Variants in CCR5AS observed in about 807,000 individuals in gnomAD.
CCR5AS encodes the protein CCR5 antisense RNA.
intron 1 of CCR5AS, among the ~76,000 whole-genome samples, chr3:46,399,023 G>A (rs1701985277): frequency 6.6e-6 from 1 of 152,120 alleles, no homozygotes; most frequent in Admixed American, 6.5e-5. Flanking sequence ...AGATATTAGA[G>A]GAGGGAAGAG....
intron 2 of CCR5AS, among the ~76,000 whole-genome samples, chr3:46,389,662 C>T (rs2106769283): frequency 6.6e-6 from 1 of 152,216 alleles, no homozygotes; most frequent in Non-Finnish European, 1.5e-5. Context: ...TCTCCAGGTC[C>T]TTTTTGAGAG....
At chr3:46,399,349 C>G (rs1243526642) in intron 1 of CCR5AS, among the ~76,000 whole-genome samples, 2 of 152,088 alleles carry the variant, frequency 1.3e-5, no homozygotes, top group Non-Finnish European at 2.9e-5. Context: ...CCAGGGAGAC[C>G]AATCTCAGTG....
intron 2 of CCR5AS, among the ~76,000 whole-genome samples, chr3:46,377,398 G>A (rs1260864861): frequency 6.6e-6 from 1 of 152,158 alleles, no homozygotes; most frequent in Non-Finnish European, 1.5e-5. Flanking sequence ...GCATGCCATG[G>A]ATAAAGTCAA....
At chr3:46,404,738 T>C (rs113851985) in intron 1 of CCR5AS, among the ~76,000 whole-genome samples, 2,076 of 152,274 alleles carry the variant, frequency 0.014, 53 homozygotes, top group African/African-American at 0.047. Context: ...CCATAGCACT[T>C]CTCTCCTACT....
chr3:46,381,930 A>T (rs1701820783), intron 2 of CCR5AS, among the ~76,000 whole-genome samples: 1 of 152,232 alleles, frequency 6.6e-6, no homozygotes, highest in African/African-American at 2.4e-5. Context: ...GGTGTTACTG[A>T]TACAGGAGCT....
At chr3:46,390,528 G>A (rs2106770169) in intron 2 of CCR5AS, among the ~76,000 whole-genome samples, 1 of 152,210 alleles carries the variant, frequency 6.6e-6, no homozygotes, top group East Asian at 1.9e-4. Context: ...CATTGAGCGG[G>A]GTAAGGGTGA....
chr3:46,378,860 A>T (rs1451858335), intron 2 of CCR5AS, among the ~76,000 whole-genome samples: 1 of 152,138 alleles, frequency 6.6e-6, no homozygotes, highest in African/African-American at 2.4e-5. Flanking sequence ...AGATCAGAAA[A>T]TGTTTTGTGA....
intron 2 of CCR5AS, among the ~76,000 whole-genome samples, chr3:46,377,712 C>CTT (rs952969823): frequency 6.9e-6 from 1 of 145,806 alleles, no homozygotes; most frequent in Non-Finnish European, 1.5e-5. Flanking sequence ...ATGAACTTTC[C>CTT]TTTTTTTTTT....
chr3:46,378,102 C>T (rs896232619), intron 2 of CCR5AS, among the ~76,000 whole-genome samples: 15 of 152,140 alleles, frequency 9.9e-5, no homozygotes, highest in African/African-American at 1.7e-4. Flanking sequence ...CCACAACCCT[C>T]GGGGATAAGG....
intron 1 of CCR5AS, among the ~76,000 whole-genome samples, chr3:46,406,073 A>C (rs1702043856): frequency 6.6e-6 from 1 of 151,932 alleles, no homozygotes; most frequent in Non-Finnish European, 1.5e-5. Context: ...CCGGGATCTC[A>C]CTATGTTGCC....
At chr3:46,384,042 A>G (rs113087342) in intron 2 of CCR5AS, among the ~76,000 whole-genome samples, 8,653 of 152,308 alleles carry the variant, frequency 0.057, 811 homozygotes, top group African/African-American at 0.2. Context: ...ACAAGAAGTG[A>G]GTTTAAGAGC....
chr3:46,373,740 C>T, intron 2 of CCR5AS: 6 of 1,613,786 alleles, frequency 3.7e-6, no homozygotes, highest in Non-Finnish European at 5.1e-6. Flanking sequence ...CCAAGCTATG[C>T]AGGTGACAGA....
At chr3:46,364,271 C>CT (rs1182476736), downstream of CCR5AS, among the ~76,000 whole-genome samples, 1 of 152,208 alleles carries the variant, frequency 6.6e-6, no homozygotes, top group Non-Finnish European at 1.5e-5. Context: ...CAGCTGATGA[C>CT]TTTAAGTTGA....
chr3:46,396,389 A>G (rs771055645), intron 1 of CCR5AS, among the ~76,000 whole-genome samples: 1 of 152,116 alleles, frequency 6.6e-6, no homozygotes, highest in African/African-American at 2.4e-5. Context: ...TGTGGGTTCC[A>G]CGGTCTTGTG....
chr3:46,386,975 A>G (rs1701868041), intron 2 of CCR5AS, among the ~76,000 whole-genome samples: 1 of 152,194 alleles, frequency 6.6e-6, no homozygotes, highest in Non-Finnish European at 1.5e-5. Flanking sequence ...TGGAGATTTA[A>G]CATATTAATA....
At chr3:46,392,717 T>A (rs1375843169) in intron 2 of CCR5AS, 1 of 152,582 alleles carries the variant, frequency 6.6e-6, no homozygotes, top group Admixed American at 6.5e-5. Flanking sequence ...ATGGATAAAA[T>A]GTGTCTCCTT....
chr3:46,376,638 A>G (rs917785343), intron 2 of CCR5AS, among the ~76,000 whole-genome samples: 1 of 152,228 alleles, frequency 6.6e-6, no homozygotes, highest in African/African-American at 2.4e-5. Context: ...TAGGCACATC[A>G]TATGTGAGAA....
At chr3:46,368,211 C>T (rs895942847) in intron 3 of CCR5AS, among the ~76,000 whole-genome samples, 3 of 152,182 alleles carry the variant, frequency 2.0e-5, no homozygotes, top group African/African-American at 7.2e-5. Flanking sequence ...TGGCACGAAA[C>T]ACCCTCCAAT....
chr3:46,399,010 T>C (rs965393116), intron 1 of CCR5AS, among the ~76,000 whole-genome samples: 5 of 152,230 alleles, frequency 3.3e-5, no homozygotes, highest in African/African-American at 1.2e-4. Context: ...TTTTTGGTCA[T>C]TGAGATATTA....
Sources: allele counts gnomAD v4.1 joint callset (sites outside exome capture counted in the v4.1 genomes callset), GRCh38; gene constraint gnomAD v4.1.1; transcripts MANE v1.5; gene names NCBI Gene and HGNC (gene_info 2026-07-23, HGNC 2026-07-21).